The following ETS1 variants were observed in gnomAD, a reference collection of about 807,000 sequenced individuals.
The protein encoded by ETS1 is ETS proto-oncogene 1, transcription factor, also known as protein C-ets-1.
A neutral mutation model predicts 58.6 loss-of-function variants in ETS1; 15 were observed. That is an observed-to-expected ratio of 0.26 (90% CI 0.17 to 0.39). The LOEUF (loss-of-function observed/expected upper bound fraction) is 0.39, where lower values mean the gene tolerates loss of function less well. Ranked by LOEUF, ETS1 falls within the 10% of genes least tolerant of loss-of-function variation. The probability of loss-of-function intolerance (pLI) is 1.00; values close to 1 mark genes in which losing one functional copy is unlikely to be tolerated. For synonymous variants in ETS1, 214 were observed against 218.2 expected (o/e 0.98, Z 0.17); for missense variants, 417 against 610.5 (o/e 0.68, Z 3.34).
At chr11:128,576,684 C>G (rs917221129) in intron 1 of ETS1, among the ~76,000 whole-genome samples, 5 of 152,022 alleles carry the variant, frequency 3.3e-5, no homozygotes, top group African/African-American at 9.7e-5. Flanking sequence ...CTGTGCCCCC[C>G]CATGCTCCCT....
At chr11:128,538,394 CA>C (rs1251360546) in intron 3 of ETS1, among the ~76,000 whole-genome samples, 1 of 152,146 alleles carries the variant, frequency 6.6e-6, no homozygotes, top group Non-Finnish European at 1.5e-5. Context: ...GCATTCTTCA[CA>C]AATTGCGCAC....
At position 128,546,139 on chromosome 11, in the gene ETS1, A is replaced by C. The variant is rs1289241056; in HGVS notation, c.214+10152T>G. On this transcript the variant is annotated intron_variant, in intron 3 of 9. Coordinates refer to ENST00000392668, the MANE Select transcript of ETS1 (RefSeq NM_001143820.2). ...TGACCAAAGATGAAAATGCTAAGAC[A>C]TTGCTGGGAAGTTCAAAGTAGTTGA... Among the ~76,000 whole-genome samples, 5 of 152,224 alleles carry C rather than the reference A, an allele frequency of 3.3e-5. No homozygotes were observed. The East Asian group carries it at 9.6e-4, about 29-fold the overall frequency.
chr11:128,581,168 A>T (rs1455978997), intron 1 of ETS1, among the ~76,000 whole-genome samples: 2 of 152,212 alleles, frequency 1.3e-5, no homozygotes, highest in Admixed American at 6.5e-5. Flanking sequence ...CTGAAATGGC[A>T]TTGTCAACAA....
At chr11:128,525,905 T>C (rs1376820805) in intron 3 of ETS1, among the ~76,000 whole-genome samples, 1 of 152,154 alleles carries the variant, frequency 6.6e-6, no homozygotes, top group Non-Finnish European at 1.5e-5. Context: ...TAATTAAACT[T>C]GGATGCCAAA....
chr11:128,480,531 T>G (rs1170329905), intron 7 of ETS1, 80 bp from the exon 8 acceptor site: 1 of 951,852 alleles, frequency 1.1e-6, no homozygotes, highest in Non-Finnish European at 1.6e-6. Flanking sequence ...AACCCTCTTA[T>G]GGAGGACAGA....
At chr11:128,517,432 G>T (rs111624090) in intron 3 of ETS1, among the ~76,000 whole-genome samples, 2,769 of 152,344 alleles carry the variant, frequency 0.018, 74 homozygotes, top group African/African-American at 0.06. Context: ...CTGAAAAATG[G>T]AGAAAATAAT....
intron 3 of ETS1, among the ~76,000 whole-genome samples, chr11:128,495,812 C>T (rs1426772708): frequency 6.6e-6 from 1 of 152,200 alleles, no homozygotes; most frequent in Non-Finnish European, 1.5e-5. Flanking sequence ...TGTAGACACA[C>T]TGGATAAGTC....
intron 1 of ETS1, among the ~76,000 whole-genome samples, chr11:128,575,686 G>A (rs1350820778): frequency 6.6e-6 from 1 of 152,166 alleles, no homozygotes; most frequent in East Asian, 1.9e-4. Context: ...TAAGTAGTTG[G>A]CCAACAATAT....
chr11:128,538,616 G>C (rs1472676180), intron 3 of ETS1, among the ~76,000 whole-genome samples: 4 of 152,162 alleles, frequency 2.6e-5, no homozygotes, highest in Admixed American at 2.6e-4. Flanking sequence ...GTAAAATGGA[G>C]TTAATAATTC....
intron 1 of ETS1, among the ~76,000 whole-genome samples, chr11:128,577,162 T>C (rs1161847068): frequency 1.3e-4 from 20 of 152,326 alleles, no homozygotes; most frequent in Admixed American, 1.2e-3. Context: ...ATGAATGAAT[T>C]GGTCTCACAA....
At chr11:128,483,572 C>A (rs1425019979) in intron 7 of ETS1, among the ~76,000 whole-genome samples, 2 of 152,212 alleles carry the variant, frequency 1.3e-5, no homozygotes, top group African/African-American at 4.8e-5. Context: ...TCCCACCCAT[C>A]CCCTTCGGTC....
intron 3 of ETS1, among the ~76,000 whole-genome samples, chr11:128,509,549 AATTTTT>A (rs1565388582): frequency 5.4e-5 from 7 of 129,630 alleles, no homozygotes; most frequent in Admixed American, 8.0e-5. Flanking sequence ...ATCAGGTGAA[AATTTTT>A]TTTTTTTTTT....
chr11:128,514,187 C>T (rs1220447530), intron 3 of ETS1, among the ~76,000 whole-genome samples: 2 of 151,862 alleles, frequency 1.3e-5, no homozygotes, highest in African/African-American at 4.8e-5. Flanking sequence ...AGGTTTAACG[C>T]TTATTCTGAT....
At chr11:128,495,084 T>C (rs1862902535) in intron 3 of ETS1, among the ~76,000 whole-genome samples, 3 of 152,030 alleles carry the variant, frequency 2.0e-5, no homozygotes, top group Admixed American at 2.0e-4. Context: ...CCTCTAAACA[T>C]AAAACTGGAG....
chr11:128,578,955 G>A (rs536465988), intron 1 of ETS1, among the ~76,000 whole-genome samples: 21 of 152,118 alleles, frequency 1.4e-4, no homozygotes, highest in Admixed American at 9.2e-4. Flanking sequence ...ACTAAATGCC[G>A]AAAAAGAGCA....
At chr11:128,566,061 G>A (rs993530035) in intron 2 of ETS1, among the ~76,000 whole-genome samples, 2 of 152,168 alleles carry the variant, frequency 1.3e-5, no homozygotes, top group African/African-American at 4.8e-5. Flanking sequence ...AACGAGGTCT[G>A]TTTACACAAT....
rs534405945 is a variant in ETS1 at position 128,575,573 on chromosome 11, G to A, written c.-14-2429C>T. On this transcript the variant is annotated intron_variant, in intron 1 of 9. Transcript: ENST00000392668. ...GTAAACAAGGATTCCTGACCTCACG[G>A]CCCTTAGATTCTATCAGACTCAGGA... is the stretch of plus-strand genomic sequence containing the variant. Among the ~76,000 whole-genome samples the A allele has an allele frequency of 1.4e-4, 22 of 152,316 alleles. No homozygotes were observed. The South Asian group carries it at 4.6e-3, about 32-fold the overall frequency.
rs76336142 is a variant in ETS1 at position 128,521,897 on chromosome 11, G to A, written c.215-31321C>T. 1.0e-3 allele frequency: 1,647 copies of A among 1,587,388 alleles called. 9 individuals are homozygous for A. In the African/African-American group the frequency reaches 0.019, roughly 18 times the overall value. ...GGCCGAGAGCTTGGGTGGGGGCCTCGGCCGTCGCCACTCACCCGGGGAGGG... is the reference window on the plus strand; with the variant it reads ...GGCCGAGAGCTTGGGTGGGGGCCTCAGCCGTCGCCACTCACCCGGGGAGGG... On this transcript the variant is annotated intron_variant, in intron 3 of 9. Transcript: ENST00000392668.
At chr11:128,548,132 AAAGGG>A (rs1380445482) in intron 3 of ETS1, among the ~76,000 whole-genome samples, 5 of 84,034 alleles carry the variant, frequency 5.9e-5, no homozygotes, top group East Asian at 1.1e-3. Context: ...AAAGGAAAGG[AAAGGG>A]AAGGGAAGGG....
Sources: gnomAD v4.1 joint callset for allele counts (sites outside exome capture counted in the v4.1 genomes callset) on GRCh38, gnomAD v4.1.1 for gene constraint, MANE v1.5 for transcripts, NCBI Gene and HGNC (gene_info 2026-07-23, HGNC 2026-07-21) for gene names.